RABGAP1L: variants seen among roughly 807,000 people sequenced by gnomAD.
RABGAP1L encodes the protein rab GTPase-activating protein 1-like.
A neutral mutation model predicts 137.7 loss-of-function variants in RABGAP1L; 63 were observed. The observed-to-expected ratio is 0.46, with a 90% CI of 0.37 to 0.56. The LOEUF (loss-of-function observed/expected upper bound fraction) is 0.56. RABGAP1L is among the 20% of genes least tolerant of loss of function. RABGAP1L has a pLI of 0.00. For missense variants in RABGAP1L, 1,095 were observed against 1,244.0 expected (o/e 0.88, Z 1.80); for synonymous variants, 431 against 433.7 (o/e 0.99, Z 0.08).
chr1:174,741,855 C>CAAA (rs775821774), intron 17 of RABGAP1L, among the ~76,000 whole-genome samples: 2,222 of 40,974 alleles, frequency 0.054, 330 homozygotes, highest in African/African-American at 0.2. Context: ...CCTATTTCTA[C>CAAA]AAAAAAAAAA....
At chr1:174,851,682 T>A (rs919716838) in intron 19 of RABGAP1L, among the ~76,000 whole-genome samples, 1 of 151,728 alleles carries the variant, frequency 6.6e-6, no homozygotes, top group East Asian at 1.9e-4. Context: ...ACAGCTTTTT[T>A]TTTTTTTAAT....
At chr1:174,162,777 G>GTTTTTTTTTTTTTTTTTTTTTT (rs67811794) in intron 1 of RABGAP1L, among the ~76,000 whole-genome samples, 2 of 51,556 alleles carry the variant, frequency 3.9e-5, no homozygotes, top group East Asian at 1.1e-3. Flanking sequence ...TTCTCTTTCT[G>GTTTTTTTTTTTTTTTTTTTTTT]TTTTTTTTTT....
chr1:174,290,231 G>C (rs1040061827), intron 10 of RABGAP1L, among the ~76,000 whole-genome samples: 3 of 152,346 alleles, frequency 2.0e-5, no homozygotes, highest in Non-Finnish European at 2.9e-5. Context: ...GGGATGTGTG[G>C]TGCCATTGCC....
intron 11 of RABGAP1L, among the ~76,000 whole-genome samples, chr1:174,356,149 G>A (rs1420551454): frequency 6.6e-6 from 1 of 152,090 alleles, no homozygotes; most frequent in Non-Finnish European, 1.5e-5. Context: ...AGTTAGACAA[G>A]TATCATTATT....
At chr1:174,402,889 G>C (rs1247374593) in intron 13 of RABGAP1L, among the ~76,000 whole-genome samples, 1 of 151,920 alleles carries the variant, frequency 6.6e-6, no homozygotes, top group Non-Finnish European at 1.5e-5. Context: ...TATGTTTTAG[G>C]GCAAGTCAAA....
At chr1:174,777,466 G>T (rs1686613488) in intron 18 of RABGAP1L, among the ~76,000 whole-genome samples, 1 of 152,140 alleles carries the variant, frequency 6.6e-6, no homozygotes, top group South Asian at 2.1e-4. Context: ...TGCAGACATT[G>T]CCCAGTGTTC....
intron 19 of RABGAP1L, among the ~76,000 whole-genome samples, chr1:174,875,290 C>T (rs911909969): frequency 6.6e-6 from 1 of 152,144 alleles, no homozygotes; most frequent in East Asian, 1.9e-4. Flanking sequence ...ATGTACAGCA[C>T]CTCTAGGTGC....
chr1:174,503,722 G>A, intron 13 of RABGAP1L, among the ~76,000 whole-genome samples: 1 of 149,048 alleles, frequency 6.7e-6, no homozygotes, highest in African/African-American at 2.5e-5. Context: ...GCAGTAATAA[G>A]GAACTATCTA....
At chr1:174,167,346 A>G (rs1664996093) in intron 1 of RABGAP1L, among the ~76,000 whole-genome samples, 1 of 152,214 alleles carries the variant, frequency 6.6e-6, no homozygotes, top group South Asian at 2.1e-4. Context: ...TTATGTAAAC[A>G]TTTGTAAAGA....
chr1:174,904,322 G>A (rs1658670540), intron 19 of RABGAP1L, among the ~76,000 whole-genome samples: 1 of 152,062 alleles, frequency 6.6e-6, no homozygotes, highest in South Asian at 2.1e-4. Flanking sequence ...AGTGAACTAT[G>A]GTTGTACCAC....
rs114613799 is a variant in RABGAP1L at position 174,515,850 on chromosome 1, T to A, written c.1711-121525T>A. Among the ~76,000 whole-genome samples, 1,380 of 150,872 alleles carry A rather than the reference T, an allele frequency of 9.1e-3. 12 individuals carry two copies. Among genetic ancestry groups the A allele is most frequent in the African/African-American group, 0.032 (1,299 of 40,256 alleles). On this transcript the variant is annotated intron_variant, in intron 13 of 25. Transcript: ENST00000681986. ...TAACTCTGGAAATTATTTTTATTTT[T>A]AAAATAAAAATGATAGAATGAGCAC... is the stretch of plus-strand genomic sequence containing the variant.
At chr1:174,812,796 T>C (rs968620478) in intron 19 of RABGAP1L, among the ~76,000 whole-genome samples, 1 of 152,094 alleles carries the variant, frequency 6.6e-6, no homozygotes, top group African/African-American at 2.4e-5. Flanking sequence ...AAGGTTATGA[T>C]TGTTATTAGA....
intron 13 of RABGAP1L, among the ~76,000 whole-genome samples, chr1:174,622,267 T>C (rs1374532526): frequency 6.6e-6 from 1 of 152,236 alleles, no homozygotes; most frequent in Non-Finnish European, 1.5e-5. Context: ...GACTGTAAAC[T>C]AGTTCAACCA....
chr1:174,780,834 T>C (rs1475774292), intron 18 of RABGAP1L, among the ~76,000 whole-genome samples: 1 of 149,780 alleles, frequency 6.7e-6, no homozygotes, highest in African/African-American at 2.4e-5. Flanking sequence ...GGTTTTTTGT[T>C]CTTGCGACAG....
chr1:174,838,427 T>C (rs1692984687), intron 19 of RABGAP1L, among the ~76,000 whole-genome samples: 1 of 152,220 alleles, frequency 6.6e-6, no homozygotes, highest in African/African-American at 2.4e-5. Flanking sequence ...TTTACCATCT[T>C]GACCACATCT....
Position 174,761,378 on chromosome 1 carries a change from A to G in RABGAP1L, c.2211+9024A>G, listed in dbSNP as rs973471307. Among the ~76,000 whole-genome samples the G allele has an allele frequency of 2.0e-5, 3 of 152,074 alleles. No homozygotes were observed. In the South Asian group the frequency reaches 6.2e-4, roughly 32 times the overall value. On this transcript the variant is annotated intron_variant, in intron 18 of 25. Coordinates refer to ENST00000681986, the MANE Select transcript of RABGAP1L (RefSeq NM_001366446.1). The surrounding 1 kb of genome is among the most constrained non-coding windows in gnomAD (Gnocchi z 4.0). The stretch of plus-strand genomic sequence containing the variant: ...TCACTTGCCAGACAGTGCGGGGGCC[A>G]GGGAGAGGCACTCCTCACTTCCCAG...
At chr1:174,957,336 C>A in intron 19 of RABGAP1L, 121 bp from the exon 20 acceptor site, 1 of 722,414 alleles carries the variant, frequency 1.4e-6, no homozygotes. Flanking sequence ...CTCTATTTTT[C>A]TCCTAACTTT....
At chr1:174,555,230 A>C (rs1335314736) in intron 13 of RABGAP1L, among the ~76,000 whole-genome samples, 1 of 152,234 alleles carries the variant, frequency 6.6e-6, no homozygotes, top group Non-Finnish European at 1.5e-5. Context: ...ATGTATGCCA[A>C]GGTACAAATT....
chr1:174,258,259 C>T (rs1364863686), intron 7 of RABGAP1L, among the ~76,000 whole-genome samples: 1 of 152,160 alleles, frequency 6.6e-6, no homozygotes, highest in Non-Finnish European at 1.5e-5. Context: ...CAGCAGGTGG[C>T]AGCCTTACCA....
Sources: allele counts gnomAD v4.1 joint callset (sites outside exome capture counted in the v4.1 genomes callset), GRCh38; gene constraint gnomAD v4.1.1; non-coding constraint Gnocchi (gnomAD v3.1); transcripts MANE v1.5; gene names NCBI Gene and HGNC (gene_info 2026-07-23, HGNC 2026-07-21).